RFTN1: variants seen among roughly 807,000 people sequenced by gnomAD.
The protein encoded by RFTN1 is raftlin, lipid raft linker 1.
In RFTN1, 26 loss-of-function variants were observed where a neutral mutation model predicts 46.5. That is an observed-to-expected ratio of 0.56 (90% CI 0.41 to 0.78). RFTN1 has a LOEUF of 0.78. Among genes scored for constraint, RFTN1 ranks in the 30% least tolerant of loss-of-function variants. The pLI, the probability that RFTN1 is intolerant of heterozygous loss-of-function variation, is 0.00. For synonymous variants in RFTN1, 261 were observed against 284.2 expected (o/e 0.92, Z 0.82); for missense variants, 693 against 718.7 (o/e 0.96, Z 0.41).
intron 2 of RFTN1, among the ~76,000 whole-genome samples, chr3:16,438,898 C>T (rs2075568289): frequency 1.3e-5 from 2 of 152,174 alleles, no homozygotes; most frequent in East Asian, 1.9e-4. Flanking sequence ...CCCACCCACA[C>T]TCCTTAACCT....
At chr3:16,445,528 T>C (rs566512593) in intron 2 of RFTN1, among the ~76,000 whole-genome samples, 2 of 122,774 alleles carry the variant, frequency 1.6e-5, no homozygotes, top group Admixed American at 8.0e-5. Context: ...CACAGCTCTC[T>C]ACCAGCGCTG....
chr3:16,487,168 T>C lies in RFTN1; in HGVS notation c.145+6557A>G, dbSNP rs376859067. ...TAAGCCAGTCTGTGGTATTTTATTA[T>C]GGCAGCCCGAGCTGACTAAGGCAAC... On this transcript the variant is annotated intron_variant, in intron 2 of 9. Transcript: ENST00000334133. Among the ~76,000 whole-genome samples the C allele has an allele frequency of 3.3e-5, 5 of 152,382 alleles. No individual in the cohort carries two copies. The East Asian group carries it at 9.6e-4, about 29-fold the overall frequency.
At chr3:16,369,761 A>G (rs534408150) in intron 6 of RFTN1, among the ~76,000 whole-genome samples, 16 of 152,224 alleles carry the variant, frequency 1.1e-4, no homozygotes, top group Non-Finnish European at 2.1e-4. Flanking sequence ...GGGGTAATTA[A>G]CAAATCCAGG....
rs570835362 is a variant in RFTN1 at position 16,478,116 on chromosome 3, C to T, written c.145+15609G>A. ...GGTGCTGTGTGGTGGCTGCTAAGCA[C>T]TCACAGCTGCCCCTTCCTCTGGAAA... On this transcript the variant is annotated intron_variant, in intron 2 of 9. Coordinates refer to ENST00000334133, the MANE Select transcript of RFTN1 (RefSeq NM_015150.2). Among the ~76,000 whole-genome samples, 10 of 152,306 alleles carry T rather than the reference C, an allele frequency of 6.6e-5. No individual in the cohort carries two copies. In the East Asian group the frequency reaches 1.7e-3, roughly 26 times the overall value.
chr3:16,423,895 C>T (rs146596842), intron 3 of RFTN1, among the ~76,000 whole-genome samples: 1 of 152,280 alleles, frequency 6.6e-6, no homozygotes, highest in East Asian at 1.9e-4. Flanking sequence ...GTAATAAATA[C>T]ATTTTTATTT....
intron 2 of RFTN1, 147 bp from the exon 3 acceptor site, chr3:16,434,184 A>G: frequency 1.5e-6 from 1 of 682,422 alleles, no homozygotes; most frequent in East Asian, 2.8e-5. Flanking sequence ...CTTCAAACAG[A>G]CTTTATAAGC....
intron 1 of RFTN1, among the ~76,000 whole-genome samples, chr3:16,503,345 T>C (rs1419415761): frequency 6.6e-6 from 1 of 152,204 alleles, no homozygotes; most frequent in East Asian, 1.9e-4. Flanking sequence ...CCTTAAAGTT[T>C]GACTCACAGT....
At chr3:16,419,577 G>T (rs2075148608) in intron 3 of RFTN1, among the ~76,000 whole-genome samples, 1 of 152,110 alleles carries the variant, frequency 6.6e-6, no homozygotes. Flanking sequence ...AGTACAATAG[G>T]GAAAAGGTTT....
At chr3:16,371,289 C>T (rs2073489097) in intron 5 of RFTN1, among the ~76,000 whole-genome samples, 1 of 152,214 alleles carries the variant, frequency 6.6e-6, no homozygotes, top group African/African-American at 2.4e-5. Flanking sequence ...CTGCATGAAA[C>T]ACCTGGACCC....
chr3:16,373,067 C>T (rs759847787), intron 5 of RFTN1, among the ~76,000 whole-genome samples: 2 of 152,228 alleles, frequency 1.3e-5, no homozygotes, highest in Non-Finnish European at 2.9e-5. Context: ...CACATCCTCA[C>T]GTGAGCAAGC....
At chr3:16,456,261 A>G (rs2075902509) in intron 2 of RFTN1, among the ~76,000 whole-genome samples, 1 of 152,184 alleles carries the variant, frequency 6.6e-6, no homozygotes, top group African/African-American at 2.4e-5. Flanking sequence ...CTTATTAACA[A>G]TTACAGTAAC....
rs1486729614 is a variant in RFTN1, at chr3:16,381,510, A to C, written c.442-3408T>G. Reference sequence around the variant, plus strand: ...CAAAAGGAAGAATAAGAAATGTGGCAGAACTGGAGCATGCATGCCTCACCT... The same window carrying C: ...CAAAAGGAAGAATAAGAAATGTGGCCGAACTGGAGCATGCATGCCTCACCT... On this transcript the variant is annotated intron_variant, in intron 4 of 9. Coordinates refer to ENST00000334133, the MANE Select transcript of RFTN1 (RefSeq NM_015150.2). The surrounding 1 kb of genome is among the most constrained non-coding windows in gnomAD (Gnocchi z 4.2). 6.6e-6 allele frequency among the ~76,000 whole-genome samples: 1 copy of C among 152,228 alleles called. No homozygotes were observed.
intron 3 of RFTN1, among the ~76,000 whole-genome samples, chr3:16,432,008 C>T (rs2075399057): frequency 6.6e-6 from 1 of 152,170 alleles, no homozygotes; most frequent in African/African-American, 2.4e-5. Flanking sequence ...TCTCAGTTTT[C>T]TCACCTTTAA....
At chr3:16,323,997 G>A (rs2069385070) in intron 8 of RFTN1, among the ~76,000 whole-genome samples, 1 of 152,186 alleles carries the variant, frequency 6.6e-6, no homozygotes, top group Admixed American at 6.5e-5. Context: ...GCTCACATGC[G>A]AGGGAGGGGC....
chr3:16,331,538 A>ATT (rs2070312401), intron 7 of RFTN1, among the ~76,000 whole-genome samples: 1 of 151,972 alleles, frequency 6.6e-6, no homozygotes, highest in Admixed American at 6.6e-5. Context: ...TATTACCTCC[A>ATT]TTTTTTTCAT....
Position 16,442,266 on chromosome 3 carries a change from C to T in RFTN1, c.146-8229G>A, listed in dbSNP as rs1268700276. 6.6e-6 allele frequency among the ~76,000 whole-genome samples: 1 copy of T among 151,946 alleles called. No homozygotes were observed. Among genetic ancestry groups the T allele is most frequent in the African/African-American group, 2.4e-5 (1 of 41,328 alleles). On this transcript the variant is annotated intron_variant, in intron 2 of 9. Transcript: ENST00000334133. This position sits in a 1 kb window ranked among gnomAD's most constrained non-coding sequence, Gnocchi z 4.1. ...CATTTTAAAGTGAACTATTTGGTGG[C>T]GTTTAGTATCTTCATGATGTTGCAC...
intron 1 of RFTN1, among the ~76,000 whole-genome samples, chr3:16,511,099 A>G (rs2076894120): frequency 1.3e-5 from 2 of 152,232 alleles, no homozygotes; most frequent in South Asian, 4.1e-4. Flanking sequence ...GATACAGGGC[A>G]GTGGTTGCCA....
chr3:16,431,807 AT>A (rs1487893437), intron 3 of RFTN1, among the ~76,000 whole-genome samples: 1 of 152,250 alleles, frequency 6.6e-6, no homozygotes, highest in African/African-American at 2.4e-5. Flanking sequence ...GTACTTCTTT[AT>A]GGAAGATCAA....
intron 7 of RFTN1, among the ~76,000 whole-genome samples, chr3:16,332,459 ATTTAT>A (rs1374357611): frequency 6.7e-6 from 1 of 148,414 alleles, no homozygotes; most frequent in African/African-American, 2.5e-5. Flanking sequence ...TCATGGATAC[ATTTAT>A]TTTATCTCTT....
Sources: gnomAD v4.1 joint callset for allele counts (sites outside exome capture counted in the v4.1 genomes callset) on GRCh38, gnomAD v4.1.1 for gene constraint, Gnocchi (gnomAD v3.1) non-coding constraint, MANE v1.5 for transcripts, NCBI Gene and HGNC (gene_info 2026-07-23, HGNC 2026-07-21) for gene names.